Variants in STXBP5L observed in about 807,000 individuals in gnomAD.
STXBP5L encodes the protein syntaxin binding protein 5L.
A neutral mutation model predicts 144.5 loss-of-function variants in STXBP5L; 65 were observed. The ratio of observed to expected loss-of-function variants is 0.45; its 90% CI spans 0.37 to 0.55. The LOEUF (loss-of-function observed/expected upper bound fraction) is 0.55, where lower values mean the gene tolerates loss of function less well. Ranked by LOEUF, STXBP5L falls within the 20% of genes least tolerant of loss-of-function variation. STXBP5L has a pLI of 0.00. For synonymous variants in STXBP5L, 505 were observed against 469.6 expected (o/e 1.08, Z -0.97); for missense variants, 1,298 against 1,405.5 (o/e 0.92, Z 1.22).
At chr3:121,022,907 G>A (rs1022707383) in intron 3 of STXBP5L, among the ~76,000 whole-genome samples, 40 of 152,108 alleles carry the variant, frequency 2.6e-4, no homozygotes, top group Middle Eastern at 3.2e-3. Context: ...CCTAGCCAGA[G>A]CAATTAGACA....
At position 121,115,075 on chromosome 3, in the gene STXBP5L, G is replaced by A; in HGVS notation, c.605+16G>A. ...CAATTGAACTGTAAGTTTGAACTTG[G>A]ATATCACTTTATTGGCTTAAATACT... is the stretch of plus-strand genomic sequence containing the variant. On this transcript the variant is annotated intron_variant, in intron 6 of 26. Coordinates refer to ENST00000471454, the MANE Select transcript of STXBP5L (RefSeq NM_001308330.2). 1 of 1,596,504 alleles carries A rather than the reference G, an allele frequency of 6.3e-7. No individual in the cohort carries two copies. The highest frequency in any genetic ancestry group is 8.5e-7 in the Non-Finnish European group (1 of 1,173,790).
intron 4 of STXBP5L, among the ~76,000 whole-genome samples, chr3:121,044,009 C>T (rs1209700138): frequency 2.0e-5 from 3 of 151,996 alleles, no homozygotes; most frequent in East Asian, 1.9e-4. Flanking sequence ...ATAAATTTCT[C>T]GTTTGTTTAT....
rs938572343 is a variant in STXBP5L, at chr3:121,417,062, C to CA, written c.3226+1102dup. Among the ~76,000 whole-genome samples the CA allele has an allele frequency of 2.4e-4, 36 of 151,368 alleles. No homozygotes were observed. The East Asian group carries it at 5.6e-3, about 24-fold the overall frequency. ...ATCTTGCTAAGTGAAAGAAGCCAGA[C>CA]AAAAAAAAGGCCACATATTGTATGA... On this transcript the variant is annotated intron_variant, in intron 25 of 26. Coordinates refer to ENST00000471454, the MANE Select transcript of STXBP5L (RefSeq NM_001308330.2).
intron 9 of STXBP5L, among the ~76,000 whole-genome samples, chr3:121,202,468 A>G (rs1002260918): frequency 2.0e-5 from 3 of 152,158 alleles, no homozygotes; most frequent in Admixed American, 2.0e-4. Flanking sequence ...TGTCATTGTA[A>G]TTATCTACCT....
chr3:121,091,087 G>C (rs2042765848), intron 5 of STXBP5L, among the ~76,000 whole-genome samples: 1 of 150,240 alleles, frequency 6.7e-6, no homozygotes, highest in African/African-American at 2.5e-5. Flanking sequence ...TTTCATCCAT[G>C]TCCCTACAAA....
At chr3:120,958,045 A>G (rs1226105466) in intron 3 of STXBP5L, among the ~76,000 whole-genome samples, 2 of 152,176 alleles carry the variant, frequency 1.3e-5, no homozygotes, top group Admixed American at 6.5e-5. Context: ...AGAAGAGTCA[A>G]ATAGACACAA....
intron 3 of STXBP5L, among the ~76,000 whole-genome samples, chr3:120,966,744 A>G (rs1447107146): frequency 3.3e-5 from 5 of 152,092 alleles, no homozygotes; most frequent in African/African-American, 4.8e-5. Context: ...CACTTAGGCT[A>G]CAAGGGGGTC....
chr3:121,196,177 T>C (rs1322516109), intron 9 of STXBP5L, among the ~76,000 whole-genome samples: 3 of 152,122 alleles, frequency 2.0e-5, no homozygotes, highest in Admixed American at 1.3e-4. Context: ...TTTTTTTTTT[T>C]TTAAGACAGT....
intron 3 of STXBP5L, among the ~76,000 whole-genome samples, chr3:121,019,165 G>A (rs11712013): frequency 6.6e-6 from 1 of 152,088 alleles, no homozygotes; most frequent in Non-Finnish European, 1.5e-5. Flanking sequence ...CCCCCGGAAT[G>A]TATCTCCATT....
chr3:121,063,407 A>G (rs1007633231), intron 5 of STXBP5L, among the ~76,000 whole-genome samples: 1 of 152,082 alleles, frequency 6.6e-6, no homozygotes, highest in African/African-American at 2.4e-5. Flanking sequence ...TGTCAGCTGG[A>G]GCTCTCCTGT....
intron 20 of STXBP5L, among the ~76,000 whole-genome samples, chr3:121,374,483 C>G (rs1348915941): frequency 1.3e-5 from 2 of 151,798 alleles, no homozygotes; most frequent in East Asian, 3.9e-4. Context: ...CTATGAAATG[C>G]CTGAAAAGGA....
chr3:121,026,805 C>T (rs1945978419), intron 3 of STXBP5L, among the ~76,000 whole-genome samples: 1 of 151,760 alleles, frequency 6.6e-6, no homozygotes, highest in African/African-American at 2.4e-5. Flanking sequence ...ATGTAACAAA[C>T]CTTCACGTTG....
chr3:121,036,410 A>G (rs1046787673), intron 3 of STXBP5L, among the ~76,000 whole-genome samples: 1 of 152,064 alleles, frequency 6.6e-6, no homozygotes, highest in Non-Finnish European at 1.5e-5. Flanking sequence ...TGGTTTTCCT[A>G]TATAAATTTG....
At chr3:121,036,896 G>C (rs919530147) in intron 3 of STXBP5L, among the ~76,000 whole-genome samples, 2 of 150,416 alleles carry the variant, frequency 1.3e-5, no homozygotes, top group Admixed American at 1.3e-4. Flanking sequence ...AAATCCCACT[G>C]GTTATATTAT....
rs994092162 is a variant in STXBP5L at position 121,383,298 on chromosome 3, G to T, written c.2587+1766G>T. ...CAAATAATTTTTAAAAATTAGCCAG[G>T]CATGGTGTGTGTGTGCCTGAGCCAG... On this transcript the variant is annotated intron_variant, in intron 22 of 26. Coordinates refer to ENST00000471454, the MANE Select transcript of STXBP5L (RefSeq NM_001308330.2). Among the ~76,000 whole-genome samples the T allele has an allele frequency of 3.3e-4, 50 of 151,814 alleles. 1 individual carries two copies. The highest frequency in any genetic ancestry group is 4.4e-5 in the Non-Finnish European group (3 of 67,964).
chr3:121,051,030 G>A (rs900672985), intron 5 of STXBP5L, among the ~76,000 whole-genome samples: 2 of 152,156 alleles, frequency 1.3e-5, no homozygotes, highest in Non-Finnish European at 2.9e-5. Context: ...AACAAGAAGA[G>A]CTAACTATCC....
At chr3:120,970,718 G>A (rs1278719361) in intron 3 of STXBP5L, among the ~76,000 whole-genome samples, 1 of 151,988 alleles carries the variant, frequency 6.6e-6, no homozygotes, top group African/African-American at 2.4e-5. Flanking sequence ...CTAGATTTTG[G>A]AATTTTTAAA....
chr3:121,084,770 G>A (rs1417570301), intron 5 of STXBP5L, among the ~76,000 whole-genome samples: 1 of 152,046 alleles, frequency 6.6e-6, no homozygotes, highest in Non-Finnish European at 1.5e-5. Context: ...CTAGATCTTT[G>A]AGGAATCACC....
At chr3:121,035,118 A>T (rs1041721525) in intron 3 of STXBP5L, among the ~76,000 whole-genome samples, 1 of 152,032 alleles carries the variant, frequency 6.6e-6, no homozygotes, top group African/African-American at 2.4e-5. Flanking sequence ...TTTGGATGTC[A>T]GTCCCCAGAA....
Sources: allele counts gnomAD v4.1 joint callset (sites outside exome capture counted in the v4.1 genomes callset), GRCh38; gene constraint gnomAD v4.1.1; transcripts MANE v1.5; gene names NCBI Gene and HGNC (gene_info 2026-07-23, HGNC 2026-07-21).